Variants in MALSU1 observed in about 807,000 individuals in gnomAD.
MALSU1 encodes mitochondrial assembly of ribosomal large subunit protein 1.
Under a neutral mutation model 22.1 loss-of-function variants are expected in MALSU1, and 22 were observed. The ratio of observed to expected loss-of-function variants is 1.00; its 90% CI spans 0.71 to 1.42. The LOEUF (loss-of-function observed/expected upper bound fraction) is 1.42. Among genes scored for constraint, MALSU1 ranks in the 40% most tolerant of loss-of-function variants. MALSU1 has a pLI of 0.00. For missense variants in MALSU1, 379 were observed against 308.3 expected (o/e 1.23, Z -1.72); for synonymous variants, 153 against 118.5 (o/e 1.29, Z -1.89).
At position 23,300,920 on chromosome 7, in the gene MALSU1, A is replaced by G; in HGVS notation, c.338A>G (p.Gln113Arg). 2 of 1,614,064 alleles carry G rather than the reference A, an allele frequency of 1.2e-6. No individual in the cohort carries two copies. The highest frequency in any genetic ancestry group is 1.7e-6 in the Non-Finnish European group (2 of 1,179,916). Residue 113 changes from glutamine (Q) to arginine (R), a missense_variant, in exon 2 of 4, where the codon CAG becomes CGG. Transcript: ENST00000466681. ...AATGCAAGAGACATTTGTGTGATCCAGGTTCCTCCAGAAATGAGATATACA... is the reference window on the plus strand; with the variant it reads ...AATGCAAGAGACATTTGTGTGATCCGGGTTCCTCCAGAAATGAGATATACA... ...QENARDICVI[Q>R]VPPEMRYTDY...
At position 23,300,871 on chromosome 7, in the gene MALSU1, A is replaced by T. The variant is rs146350963; in HGVS notation, c.289A>T (p.Met97Leu). 5.6e-6 allele frequency: 9 copies of T among 1,613,876 alleles called. No homozygotes were observed. The African/African-American group carries it at 1.1e-4, about 19-fold the overall frequency. ...HTGPKFDIDM[M>L]VSLLRQENAR... ...TGGTCCCAAGTTTGACATCGATATG[A>T]TGGTTTCACTTCTGAGGCAAGAAAA... Residue 97 changes from methionine to leucine, a missense_variant, in exon 2 of 4, where the codon ATG (methionine) becomes TTG (leucine). Physicochemically the swap from Met to Leu is conservative, Grantham distance 15. Transcript: ENST00000466681.
In MALSU1 at chr7:23,299,504, C is replaced by T; in HGVS notation, c.152C>T (p.Ala51Val). The change falls in exon 1 of 4, where the codon GCT becomes GTT. Residue 51 changes from alanine (A) to valine (V), a missense_variant. By Grantham distance (64) the Ala-to-Val change is moderately conservative (BLOSUM62 0). Transcript: ENST00000466681. ...RLPVGAAFCR[A>V]CQTPNFVRGL... ...CCCGTAGGAGCAGCGTTCTGCCGGG[C>T]TTGCCAGACCCCAAACTTTGTCCGC... 4 of 1,612,330 alleles carry T rather than the reference C, an allele frequency of 2.5e-6. No homozygotes were observed. Among genetic ancestry groups the T allele is most frequent in the East Asian group, 2.2e-5 (1 of 44,870 alleles).
At chr7:23,302,949 C>T (rs983972464) in intron 2 of MALSU1, among the ~76,000 whole-genome samples, 1 of 152,066 alleles carries the variant, frequency 6.6e-6, no homozygotes, top group African/African-American at 2.4e-5. Context: ...GCTGATTTTT[C>T]TATTTTTAGT....
Position 23,309,662 on chromosome 7 carries a change from C to A in MALSU1, c.*119C>A. ...CTCTTAGGACAAGGCTTGTGTACCT[C>A]ATGGGCACTCCTGCTAACTGGCATG... On this transcript the variant is annotated 3_prime_UTR_variant, in exon 4 of 4. Transcript: ENST00000466681. The A allele has an allele frequency of 5.6e-6, 4 of 716,140 alleles. No individual in the cohort carries two copies. Among genetic ancestry groups the A allele is most frequent in the Non-Finnish European group, 8.7e-6 (4 of 457,702 alleles). The allele number at this position is 716,140 out of a possible 1,614,324, so 44.4% of individuals were successfully genotyped here.
In MALSU1 at chr7:23,309,604, C is replaced by A; in HGVS notation, c.*61C>A. ...GGATTGAGTCACTTATTGGAAAATA[C>A]AGCTCCTAAAGTCCGTCTCCTTGGT... is the stretch of plus-strand genomic sequence containing the variant. On this transcript the variant is annotated 3_prime_UTR_variant, in exon 4 of 4. Coordinates refer to ENST00000466681, the MANE Select transcript of MALSU1 (RefSeq NM_138446.2). 7.3e-7 allele frequency: 1 copy of A among 1,366,444 alleles called. No individual in the cohort carries two copies. Among genetic ancestry groups the A allele is most frequent in the Non-Finnish European group, 9.9e-7 (1 of 1,007,322 alleles). The allele number at this position is 1,366,444 out of a possible 1,614,324, so 84.6% of individuals were successfully genotyped here.
At position 23,299,444 on chromosome 7, in the gene MALSU1, A is replaced by C. The variant is rs1010031970; in HGVS notation, c.92A>C (p.Glu31Ala). The change falls in exon 1 of 4, where the codon GAG becomes GCG. Residue 31 changes from glutamate to alanine, a missense_variant. Glu to Ala is a moderately radical substitution (Grantham distance 107). Transcript: ENST00000466681. ...GTGGCGGGGTCCGCGGTTGGAGCCG[A>C]GCCCGGGCTTCGGCTGCTGGCCGTG... Reference protein sequence around the residue: ...SSVAGSAVGAEPGLRLLAVQR... With the variant: ...SSVAGSAVGAAPGLRLLAVQR... 6.2e-7 allele frequency: 1 copy of C among 1,606,206 alleles called. No individual in the cohort carries two copies. The highest frequency in any genetic ancestry group is 8.5e-7 in the Non-Finnish European group (1 of 1,178,950).
At position 23,300,992 on chromosome 7, in the gene MALSU1, C is replaced by T; in HGVS notation, c.410C>T (p.Ala137Val). The change falls in exon 2 of 4, where the codon GCC becomes GTC. Residue 137 changes from alanine to valine, a missense_variant. Coordinates refer to ENST00000466681, the MANE Select transcript of MALSU1 (RefSeq NM_138446.2). ...VSGTSTRHLH[A>V]MAFYVVKMYK... ...GGAACTTCTACCCGACACTTACATG[C>T]CATGGCCTTCTACGTTGTGAAAATG... 1.2e-6 allele frequency: 2 copies of T among 1,613,772 alleles called. No individual in the cohort carries two copies. Among genetic ancestry groups the T allele is most frequent in the South Asian group, 1.1e-5 (1 of 91,042 alleles).
intron 2 of MALSU1, among the ~76,000 whole-genome samples, chr7:23,307,175 C>G (rs1052570682): frequency 2.6e-5 from 4 of 152,154 alleles, no homozygotes. Context: ...CTTACAATCC[C>G]ATTTCTCTAA....
At position 23,309,451 on chromosome 7, in the gene MALSU1, C is replaced by G. The variant is rs1027262107; in HGVS notation, c.613C>G (p.Gln205Glu). 1 of 1,613,552 alleles carries G rather than the reference C, an allele frequency of 6.2e-7. No homozygotes were observed. The change falls in exon 4 of 4, where the codon CAG (glutamine) becomes GAG (glutamate). Residue 205 changes from glutamine (Q) to glutamate (E), a missense_variant. Gln to Glu is a conservative substitution (Grantham distance 29). Transcript: ENST00000466681. ...ACGTTCTTATGATGACCAGTTAGCT[C>G]AGATAGCACCTGAGACAGTACCTGA... ...TLRSYDDQLA[Q>E]IAPETVPEDF...
In MALSU1 at chr7:23,300,871, A is replaced by C. The variant is rs146350963; in HGVS notation, c.289A>C (p.Met97Leu). The change falls in exon 2 of 4, where the codon ATG becomes CTG. Residue 97 changes from methionine to leucine, a missense_variant. By Grantham distance (15) the Met-to-Leu change is conservative (BLOSUM62 2). Coordinates refer to ENST00000466681, the MANE Select transcript of MALSU1 (RefSeq NM_138446.2). ...TGGTCCCAAGTTTGACATCGATATG[A>C]TGGTTTCACTTCTGAGGCAAGAAAA... ...HTGPKFDIDM[M>L]VSLLRQENAR... is the part of the protein sequence containing the mutation. 1.2e-6 allele frequency: 2 copies of C among 1,613,994 alleles called. No homozygotes were observed. The highest frequency in any genetic ancestry group is 1.7e-6 in the Non-Finnish European group (2 of 1,179,992).
Position 23,299,663 on chromosome 7 carries a change from T to C in MALSU1, c.256+55T>C. On this transcript the variant is annotated intron_variant, in intron 1 of 3. Coordinates refer to ENST00000466681, the MANE Select transcript of MALSU1 (RefSeq NM_138446.2). ...CCTCTCCGGGCAGTCTGGAGTCAGG[T>C]CCCAGCCAAGGTGGCTCTGGGTTCC... The C allele has an allele frequency of 2.0e-6, 3 of 1,518,050 alleles. No homozygotes were observed. In the South Asian group the frequency reaches 3.7e-5, roughly 19 times the overall value. 94.0% of individuals were successfully genotyped at this position (1,518,050 alleles called of 1,614,324 possible).
At chr7:23,302,805 C>G (rs1783666271) in intron 2 of MALSU1, among the ~76,000 whole-genome samples, 1 of 152,136 alleles carries the variant, frequency 6.6e-6, no homozygotes, top group Admixed American at 6.5e-5. Flanking sequence ...AGACAAGAGT[C>G]TCGCTCTGTC....
intron 2 of MALSU1, 57 bp downstream of exon 2, chr7:23,301,074 A>G: frequency 6.6e-7 from 1 of 1,505,584 alleles, no homozygotes; most frequent in Non-Finnish European, 9.1e-7. Context: ...GTGACAGTGC[A>G]TCAGGCCAAG....
In MALSU1 at chr7:23,305,393, A is replaced by ATT. The variant is rs571160861; in HGVS notation, c.436-2460_436-2459dup. ...TTGGGGTTCCTTGAGAGTCCATATAATTTTTTTTTTTTTTTTGAGATGGAG... is the reference window on the plus strand; with the variant it reads ...TTGGGGTTCCTTGAGAGTCCATATAATTTTTTTTTTTTTTTTTTGAGATGGAG... On this transcript the variant is annotated intron_variant, in intron 2 of 3. Coordinates refer to ENST00000466681, the MANE Select transcript of MALSU1 (RefSeq NM_138446.2). 1.7e-3 allele frequency among the ~76,000 whole-genome samples: 247 copies of ATT among 141,514 alleles called. 3 individuals are homozygous for ATT. Among genetic ancestry groups the ATT allele is most frequent in the African/African-American group, 5.9e-3 (229 of 38,634 alleles). 92.8% of individuals were successfully genotyped at this position (141,514 alleles called of 152,430 possible). A position where few individuals can be genotyped will look rare whatever the true frequency, so the allele number is the denominator to read the frequency against.
chr7:23,311,325 T>C lies in MALSU1; in HGVS notation c.*1782T>C, dbSNP rs1783821974. 6.6e-6 allele frequency: 1 copy of C among 152,620 alleles called. No individual in the cohort carries two copies. Among genetic ancestry groups the C allele is most frequent in the South Asian group, 2.1e-4 (1 of 4,830 alleles). The allele number at this position is 152,620 out of a possible 1,614,324, so 9.5% of individuals were successfully genotyped here. ...GCTTTTTGCCAGTCAGTTGAAAGTC[T>C]TGCATCTCTTCACTGATGCACTTTC... On this transcript the variant is annotated 3_prime_UTR_variant, in exon 4 of 4. Coordinates refer to ENST00000466681, the MANE Select transcript of MALSU1 (RefSeq NM_138446.2).
chr7:23,309,174 G>GAGAA (rs531909642), intron 3 of MALSU1, among the ~76,000 whole-genome samples, 182 bp from the exon 4 acceptor site: 2 of 152,200 alleles, frequency 1.3e-5, no homozygotes, highest in South Asian at 4.1e-4. Context: ...TAGGTACACT[G>GAGAA]AGAAAGGCAT....
chr7:23,302,330 G>A (rs1783659361), intron 2 of MALSU1, among the ~76,000 whole-genome samples: 1 of 152,170 alleles, frequency 6.6e-6, no homozygotes, highest in African/African-American at 2.4e-5. Flanking sequence ...ATTCCACGGG[G>A]CCATGATACC....
intron 2 of MALSU1, chr7:23,307,591 C>G: frequency 3.1e-6 from 1 of 325,872 alleles, no homozygotes; most frequent in Non-Finnish European, 5.6e-6. Flanking sequence ...GCTGACTGAG[C>G]TTAGCTTTTT....
chr7:23,306,344 T>C (rs1031074050), intron 2 of MALSU1, among the ~76,000 whole-genome samples: 3 of 152,226 alleles, frequency 2.0e-5, no homozygotes, highest in African/African-American at 7.2e-5. Context: ...ACTGGGTTTT[T>C]TTTGTGGAAT....
Sources: allele counts gnomAD v4.1 joint callset (sites outside exome capture counted in the v4.1 genomes callset), GRCh38; gene constraint gnomAD v4.1.1; transcripts MANE v1.5; gene names NCBI Gene and HGNC (gene_info 2026-07-23, HGNC 2026-07-21).